FUT8: variants seen among roughly 807,000 people sequenced by gnomAD.
FUT8 encodes the protein alpha-(1,6)-fucosyltransferase.
Under a neutral mutation model 71.3 loss-of-function variants are expected in FUT8, and 29 were observed. The ratio of observed to expected loss-of-function variants is 0.41; its 90% CI spans 0.30 to 0.55. FUT8 has a LOEUF of 0.55. FUT8 is among the 20% of genes least tolerant of loss of function. FUT8 has a pLI of 0.34. For synonymous variants in FUT8, 254 were observed against 239.3 expected, an observed-to-expected ratio of 1.06 and a Z score of -0.57; for missense variants, 544 against 702.1, an observed-to-expected ratio of 0.77 and a Z score of 2.55.
chr14:65,390,819 G>A, the FUT8 span, among the ~76,000 whole-genome samples: 3 of 151,736 alleles, frequency 2.0e-5, no homozygotes, highest in African/African-American at 7.3e-5. Context: ...CGCCTTCTGG[G>A]TTCAAACGAT....
At chr14:65,387,873 G>T in the FUT8 span, among the ~76,000 whole-genome samples, 2 of 152,158 alleles carry the variant, frequency 1.3e-5, no homozygotes, top group Non-Finnish European at 2.9e-5. Context: ...ATTCCATCAT[G>T]ACCACAAGTA....
At chr14:65,440,302 TTAATAA>T (rs1488810138) in intron 1 of FUT8, among the ~76,000 whole-genome samples, 1 of 151,816 alleles carries the variant, frequency 6.6e-6, no homozygotes. Flanking sequence ...TTGACTGTAG[TTAATAA>T]TAAAGTGTTG....
Position 65,643,095 on chromosome 14 carries a change from A to G in FUT8, c.597+13489A>G, listed in dbSNP as rs1239743599. Among the ~76,000 whole-genome samples, 1 of 152,214 alleles carries G rather than the reference A, an allele frequency of 6.6e-6. No individual in the cohort carries two copies. Among genetic ancestry groups the G allele is most frequent in the Non-Finnish European group, 1.5e-5 (1 of 68,038 alleles). On this transcript the variant is annotated intron_variant, in intron 6 of 10. Coordinates refer to ENST00000673929, the MANE Select transcript of FUT8 (RefSeq NM_001371533.1). The surrounding 1 kb of genome is among the most constrained non-coding windows in gnomAD (Gnocchi z 4.5). ...TTCATTTAAAACTAAAATCCTTACC[A>G]AAGTCCAAATTTCAGCTTTTAGGTT...
chr14:65,581,098 T>C (rs1887066662), intron 3 of FUT8, among the ~76,000 whole-genome samples: 1 of 152,086 alleles, frequency 6.6e-6, no homozygotes, highest in African/African-American at 2.4e-5. Flanking sequence ...TTGATATTGC[T>C]GCTGCCTTTG....
the FUT8 span, among the ~76,000 whole-genome samples, chr14:65,384,734 C>T: frequency 2.6e-5 from 4 of 152,170 alleles, no homozygotes; most frequent in African/African-American, 4.8e-5. The surrounding 1 kb of genome is among the most constrained non-coding windows in gnomAD (Gnocchi z 4.2). Context: ...TTCATGTTAT[C>T]ACCTTCTCAG....
chr14:65,453,164 G>T (rs2065852161), intron 1 of FUT8, among the ~76,000 whole-genome samples: 1 of 150,856 alleles, frequency 6.6e-6, no homozygotes, highest in Non-Finnish European at 1.5e-5. Flanking sequence ...TAAGAGATGG[G>T]GTCTTGCTCT....
intron 2 of FUT8, among the ~76,000 whole-genome samples, chr14:65,468,967 A>C (rs1170646834): frequency 5.4e-5 from 7 of 129,438 alleles, no homozygotes. Flanking sequence ...CTGGCGATTA[A>C]AAAAAAAATC....
At chr14:65,531,992 G>A (rs920237616) in intron 2 of FUT8, among the ~76,000 whole-genome samples, 12 of 152,060 alleles carry the variant, frequency 7.9e-5, no homozygotes, top group Admixed American at 5.9e-4. Flanking sequence ...TTGTGTATAT[G>A]TACCACATTT....
At chr14:65,529,478 C>G (rs1481063183) in intron 2 of FUT8, 2 of 152,582 alleles carry the variant, frequency 1.3e-5, no homozygotes, top group African/African-American at 2.4e-5. Context: ...GGTGATCCAT[C>G]CATCTTGGCC....
chr14:65,618,630 T>A (rs2140233707), intron 5 of FUT8, among the ~76,000 whole-genome samples: 1 of 152,304 alleles, frequency 6.6e-6, no homozygotes, highest in African/African-American at 2.4e-5. Context: ...TAGAAAGGAC[T>A]TTTATTATGT....
chr14:65,374,086 T>A, the FUT8 span, among the ~76,000 whole-genome samples: 4 of 152,248 alleles, frequency 2.6e-5, no homozygotes, highest in Admixed American at 6.5e-5. Context: ...ATTCTCAGAC[T>A]CGTTGATCTG....
chr14:65,553,874 T>C lies in FUT8; in HGVS notation c.-227-7463T>C, dbSNP rs145012728. 5.0e-3 allele frequency among the ~76,000 whole-genome samples: 757 copies of C among 152,166 alleles called. 22 individuals carry two copies. The highest frequency in any genetic ancestry group is 1.7e-3 in the Non-Finnish European group (113 of 67,998). ...CTTTCAGTTTGTTTTTTAGCAGCTT[T>C]TTGTCTACATTTTAATTTTGCCCTA... On this transcript the variant is annotated intron_variant, in intron 2 of 10. Transcript: ENST00000673929.
chr14:65,732,031 G>T (rs1042373303), intron 9 of FUT8, among the ~76,000 whole-genome samples: 1 of 152,134 alleles, frequency 6.6e-6, no homozygotes, highest in Non-Finnish European at 1.5e-5. Flanking sequence ...CCATGCCTGG[G>T]TATGCAGCTT....
At chr14:65,677,940 T>G (rs981928601) in intron 7 of FUT8, among the ~76,000 whole-genome samples, 2 of 152,200 alleles carry the variant, frequency 1.3e-5, no homozygotes, top group Non-Finnish European at 1.5e-5. Context: ...GCTGGGCTCT[T>G]AGAGAATGAA....
intron 6 of FUT8, among the ~76,000 whole-genome samples, chr14:65,629,829 T>TACACACACAC (rs3079115): frequency 1.4e-4 from 20 of 148,098 alleles, no homozygotes; most frequent in East Asian, 3.9e-4. Context: ...CTTACACACG[T>TACACACACAC]ACACACACAC....
At chr14:65,724,671 T>C (rs1024895054) in intron 9 of FUT8, among the ~76,000 whole-genome samples, 2 of 152,220 alleles carry the variant, frequency 1.3e-5, no homozygotes, top group Non-Finnish European at 2.9e-5. Flanking sequence ...ACTGAGTGGT[T>C]TAAATTACAG....
intron 1 of FUT8, among the ~76,000 whole-genome samples, chr14:65,451,155 C>A (rs2065817952): frequency 6.6e-6 from 1 of 152,344 alleles, no homozygotes; most frequent in South Asian, 2.1e-4. Context: ...TGCGCCTTGC[C>A]CCAGCCCACC....
intron 10 of FUT8, 84 bp from the exon 11 acceptor site, chr14:65,742,009 C>A: frequency 9.2e-7 from 1 of 1,089,524 alleles, no homozygotes; most frequent in Non-Finnish European, 1.4e-6. Flanking sequence ...ACTCCTAGAG[C>A]CCATCCTTTT....
chr14:65,613,635 C>T (rs550131249), intron 3 of FUT8, among the ~76,000 whole-genome samples: 2 of 152,218 alleles, frequency 1.3e-5, no homozygotes, highest in Admixed American at 6.5e-5. Flanking sequence ...AATGTTAATG[C>T]GTACAATTTT....
Sources: gnomAD v4.1 joint callset for allele counts (sites outside exome capture counted in the v4.1 genomes callset) on GRCh38, gnomAD v4.1.1 for gene constraint, Gnocchi (gnomAD v3.1) non-coding constraint, MANE v1.5 for transcripts, NCBI Gene and HGNC (gene_info 2026-07-23, HGNC 2026-07-21) for gene names.